Variants in SLC1A1 observed in about 807,000 individuals in gnomAD.
The protein encoded by SLC1A1 is excitatory amino acid transporter 3.
Under a neutral mutation model 53.3 loss-of-function variants are expected in SLC1A1, and 43 were observed. That is an observed-to-expected ratio of 0.81 (90% CI 0.63 to 1.04). The LOEUF (loss-of-function observed/expected upper bound fraction) is 1.04. SLC1A1 is among the 50% of genes least tolerant of loss of function. The pLI, the probability that SLC1A1 is intolerant of heterozygous loss-of-function variation, is 0.00. For synonymous variants in SLC1A1, 307 were observed against 243.2 expected (o/e 1.26, Z -2.44); for missense variants, 748 against 664.9 (o/e 1.12, Z -1.37).
intron 1 of SLC1A1, among the ~76,000 whole-genome samples, chr9:4,520,153 C>G (rs1432215522): frequency 6.6e-6 from 1 of 152,176 alleles, no homozygotes; most frequent in Non-Finnish European, 1.5e-5. Context: ...ATAAACATGT[C>G]TGGCTTCATT....
At position 4,549,784 on chromosome 9, in the gene SLC1A1, A is replaced by G. The variant is rs534030367; in HGVS notation, c.232+5077A>G. On this transcript the variant is annotated intron_variant, in intron 2 of 11. Transcript: ENST00000262352. This position sits in a 1 kb window ranked among gnomAD's most constrained non-coding sequence, Gnocchi z 4.1. ...AGGAGCCTTCCATAGACTCCATACC[A>G]TAGTACCTGCTGGGTTATTGCAACC... 6.6e-6 allele frequency among the ~76,000 whole-genome samples: 1 copy of G among 152,060 alleles called. No homozygotes were observed. Among genetic ancestry groups the G allele is most frequent in the Non-Finnish European group, 1.5e-5 (1 of 67,994 alleles).
chr9:4,496,793 A>G (rs1820440328), intron 1 of SLC1A1, among the ~76,000 whole-genome samples: 1 of 152,138 alleles, frequency 6.6e-6, no homozygotes, highest in South Asian at 2.1e-4. Context: ...ACTACTCAAG[A>G]GGCTGATGTG....
Position 4,579,630 on chromosome 9 carries a change from C to A in SLC1A1, c.1193+2867C>A, listed in dbSNP as rs540244710. Among the ~76,000 whole-genome samples the A allele has an allele frequency of 4.5e-4, 68 of 152,236 alleles. 4 individuals carry two copies. The highest frequency in any genetic ancestry group is 2.0e-4 in the Admixed American group (3 of 15,286). On this transcript the variant is annotated intron_variant, in intron 10 of 11. Coordinates refer to ENST00000262352, the MANE Select transcript of SLC1A1 (RefSeq NM_004170.6). ...ACTACTGGCCCAGAGCCAATAACAA[C>A]TGTGAGGCCCAAAGTAATCATTGGC...
intron 10 of SLC1A1, among the ~76,000 whole-genome samples, chr9:4,580,409 C>T (rs1045515372): frequency 2.0e-5 from 3 of 151,590 alleles, no homozygotes; most frequent in South Asian, 2.1e-4. Flanking sequence ...GGCGAGGCCC[C>T]GTCTCTACAA....
intron 1 of SLC1A1, among the ~76,000 whole-genome samples, chr9:4,530,566 A>T (rs924313912): frequency 6.6e-6 from 1 of 152,224 alleles, no homozygotes; most frequent in Non-Finnish European, 1.5e-5. Flanking sequence ...CTTCTGAGTC[A>T]GACCGAATTC....
chr9:4,496,526 T>C (rs1418237194), intron 1 of SLC1A1, among the ~76,000 whole-genome samples: 1 of 152,048 alleles, frequency 6.6e-6, no homozygotes, highest in Admixed American at 6.6e-5. Flanking sequence ...AGCCTTGTTT[T>C]GTTTTGTTTT....
intron 1 of SLC1A1, among the ~76,000 whole-genome samples, chr9:4,510,854 C>T (rs1477873363): frequency 1.3e-5 from 2 of 152,176 alleles, no homozygotes; most frequent in South Asian, 4.1e-4. Flanking sequence ...CTCATCCTAC[C>T]ATGTTCCCCC....
At chr9:4,537,598 T>A (rs56691274) in intron 1 of SLC1A1, among the ~76,000 whole-genome samples, 14,474 of 124,700 alleles carry the variant, frequency 0.12, 4,183 homozygotes, top group East Asian at 0.22. Flanking sequence ...TAAAATAAAA[T>A]AAAAAAAAAA....
intron 6 of SLC1A1, among the ~76,000 whole-genome samples, chr9:4,571,448 G>T (rs536598019): frequency 2.0e-5 from 3 of 152,262 alleles, no homozygotes; most frequent in African/African-American, 7.2e-5. Context: ...GGCTGAGGTG[G>T]GCGGATCACC....
At chr9:4,566,124 C>A in intron 5 of SLC1A1, 35 bp downstream of exon 5, 1 of 1,561,554 alleles carries the variant, frequency 6.4e-7, no homozygotes, top group Non-Finnish European at 8.8e-7. Flanking sequence ...AACTTGCTAC[C>A]CTCTTCCCAT....
At chr9:4,562,503 T>C (rs1174665831) in intron 3 of SLC1A1, among the ~76,000 whole-genome samples, 3 of 152,204 alleles carry the variant, frequency 2.0e-5, no homozygotes, top group Non-Finnish European at 2.9e-5. Context: ...TAATAGATCC[T>C]TGTTAAGGAT....
At chr9:4,529,981 G>A (rs774788487) in intron 1 of SLC1A1, among the ~76,000 whole-genome samples, 2 of 152,146 alleles carry the variant, frequency 1.3e-5, no homozygotes, top group Admixed American at 6.5e-5. Flanking sequence ...AGAAAATATT[G>A]TACATGTATT....
chr9:4,539,675 G>A (rs962072202), intron 1 of SLC1A1, among the ~76,000 whole-genome samples: 1 of 151,966 alleles, frequency 6.6e-6, no homozygotes, highest in Non-Finnish European at 1.5e-5. Context: ...AGGTTCAAGC[G>A]ATTCTCCTGC....
intron 11 of SLC1A1, among the ~76,000 whole-genome samples, chr9:4,584,968 C>T (rs1821454129): frequency 6.6e-6 from 1 of 152,176 alleles, no homozygotes; most frequent in South Asian, 2.1e-4. Context: ...TGCATTGAAT[C>T]TAGAAAATCC....
In SLC1A1 at chr9:4,556,908, G is replaced by T. The variant is rs2129637822; in HGVS notation, c.233-4541G>T. ...GTGATTAGGAAAACGGCTTTGGGGG[G>T]TGGTTTTGCACAACAACAACAACAA... On this transcript the variant is annotated intron_variant, in intron 2 of 11. Coordinates refer to ENST00000262352, the MANE Select transcript of SLC1A1 (RefSeq NM_004170.6). This position sits in a 1 kb window ranked among gnomAD's most constrained non-coding sequence, Gnocchi z 4.1. Among the ~76,000 whole-genome samples, 1 of 152,268 alleles carries T rather than the reference G, an allele frequency of 6.6e-6. No homozygotes were observed. Among genetic ancestry groups the T allele is most frequent in the East Asian group, 1.9e-4 (1 of 5,186 alleles).
At chr9:4,548,219 C>T (rs1817643608) in intron 2 of SLC1A1, among the ~76,000 whole-genome samples, 1 of 152,148 alleles carries the variant, frequency 6.6e-6, no homozygotes. Context: ...GTACACAGCT[C>T]CTTCCTCCAG....
chr9:4,536,446 T>C (rs1313681391), intron 1 of SLC1A1, among the ~76,000 whole-genome samples: 4 of 152,198 alleles, frequency 2.6e-5, no homozygotes, highest in Non-Finnish European at 5.9e-5. Context: ...GAAAAAATGC[T>C]GATCATCACT....
chr9:4,530,471 C>T (rs577904570), intron 1 of SLC1A1, among the ~76,000 whole-genome samples: 5 of 152,318 alleles, frequency 3.3e-5, no homozygotes, highest in Admixed American at 1.3e-4. Context: ...TTAACACAGT[C>T]ATGTGTCAGA....
At chr9:4,534,097 A>G (rs893058486) in intron 1 of SLC1A1, among the ~76,000 whole-genome samples, 1 of 152,200 alleles carries the variant, frequency 6.6e-6, no homozygotes, top group Non-Finnish European at 1.5e-5. Flanking sequence ...AATGCCCACA[A>G]CAGAAAGCAG....
Sources: allele counts gnomAD v4.1 joint callset (sites outside exome capture counted in the v4.1 genomes callset), GRCh38; gene constraint gnomAD v4.1.1; non-coding constraint Gnocchi (gnomAD v3.1); transcripts MANE v1.5; gene names NCBI Gene and HGNC (gene_info 2026-07-23, HGNC 2026-07-21).